Variants in COL1A2 observed in about 807,000 individuals in gnomAD.
COL1A2 encodes the protein collagen type I alpha 2 chain, also known as collagen alpha-2(I) chain.
A neutral mutation model predicts 174.3 loss-of-function variants in COL1A2; 49 were observed. The observed-to-expected ratio is 0.28, with a 90% confidence interval of 0.22 to 0.36. The LOEUF is 0.36. Ranked by LOEUF, COL1A2 falls within the 10% of genes least tolerant of loss-of-function variation. The pLI, the probability that COL1A2 is intolerant of heterozygous loss-of-function variation, is 1.00. For synonymous variants in COL1A2, 655 were observed against 606.6 expected, an observed-to-expected ratio of 1.08 and a Z score of -1.17; for missense variants, 1,438 against 1,822.7, an observed-to-expected ratio of 0.79 and a Z score of 3.84.
At chr7:94,405,951 A>G (rs532482349) in intron 11 of COL1A2, among the ~76,000 whole-genome samples, 1 of 152,230 alleles carries the variant, frequency 6.6e-6, no homozygotes, top group African/African-American at 2.4e-5. Context: ...AGAAAATTAT[A>G]TAGAACATGT....
In COL1A2 at chr7:94,408,201, G is replaced by A. The variant is rs1371890460; in HGVS notation, c.658G>A (p.Gly220Ser). The A allele has an allele frequency of 5.0e-6, 8 of 1,613,988 alleles. No individual in the cohort carries two copies. The highest frequency in any genetic ancestry group is 6.8e-6 in the Non-Finnish European group (8 of 1,179,994). ...CTTCTAGGGAGCCCGTGGGCTTCCT[G>A]GTGAGAGAGGACGTGTTGGTGCCCC... ...PGQTGARGLP[G>S]ERGRVGAPGP... Residue 220 changes from glycine (G) to serine (S), a missense_variant, in exon 14 of 52, where the codon GGT (glycine) becomes AGT (serine). This residue lies in a region of COL1A2 where 281 missense variants were observed against 310.9 expected (regional missense o/e 0.90). Transcript: ENST00000297268.
At chr7:94,406,768 G>T (rs1215672462) in intron 12 of COL1A2, among the ~76,000 whole-genome samples, 1 of 151,992 alleles carries the variant, frequency 6.6e-6, no homozygotes, top group African/African-American at 2.4e-5. Context: ...ATTTTAATTA[G>T]GTAATTAAAG....
intron 23 of COL1A2, 55 bp from the exon 24 acceptor site, chr7:94,412,013 G>T (rs917367137): frequency 4.1e-6 from 6 of 1,461,676 alleles, no homozygotes; most frequent in Non-Finnish European, 5.7e-6. Context: ...TTAATCTAAG[G>T]CTTGAGTATG....
intron 39 of COL1A2, 48 bp downstream of exon 39, chr7:94,422,000 C>G (rs771809128): frequency 2.0e-6 from 3 of 1,537,614 alleles, no homozygotes; most frequent in Non-Finnish European, 2.7e-6. Context: ...AGCCAAAAGG[C>G]CTGGCTTCTG....
At chr7:94,421,579 A>G (rs1792164874) in intron 38 of COL1A2, among the ~76,000 whole-genome samples, 1 of 152,220 alleles carries the variant, frequency 6.6e-6, no homozygotes, top group Non-Finnish European at 1.5e-5. Context: ...ATACACATTA[A>G]TGTGTAATAA....
In COL1A2 at chr7:94,412,602, G is replaced by A. The variant is rs755058199; in HGVS notation, c.1423G>A (p.Gly475Ser). Residue 475 changes from glycine (G) to serine (S), a missense_variant, in exon 25 of 52, where the codon GGC (glycine) becomes AGC (serine). Gly to Ser is a moderately conservative substitution (Grantham distance 56, BLOSUM62 0). Transcript: ENST00000297268. ...CTTTCAGGGCCTCCCTGGCATCGAC[G>A]GCAGGCCTGGCCCAATTGGCCCAGC... Reference protein sequence around the residue: ...EGPVGLPGIDGRPGPIGPAGA... With the variant: ...EGPVGLPGIDSRPGPIGPAGA... The A allele has an allele frequency of 4.3e-6, 7 of 1,613,988 alleles. No individual in the cohort carries two copies. Among genetic ancestry groups the A allele is most frequent in the Non-Finnish European group, 5.1e-6 (6 of 1,179,978 alleles).
At chr7:94,427,104 G>T in intron 47 of COL1A2, 43 bp downstream of exon 47, 4 of 1,611,822 alleles carry the variant, frequency 2.5e-6, no homozygotes, top group Non-Finnish European at 2.5e-6. Flanking sequence ...TGAAATAGAG[G>T]CTAAAGCGAG....
intron 41 of COL1A2, chr7:94,424,873 T>G: frequency 3.6e-6 from 2 of 550,066 alleles, no homozygotes; most frequent in Non-Finnish European, 3.3e-6. Flanking sequence ...TTTGGGATAC[T>G]GAATGACACG....
At chr7:94,417,283 A>G (rs1398234210) in intron 31 of COL1A2, among the ~76,000 whole-genome samples, 1 of 152,222 alleles carries the variant, frequency 6.6e-6, no homozygotes, top group Admixed American at 6.5e-5. Flanking sequence ...AGGGTTTTAT[A>G]TAAAAATGGA....
intron 19 of COL1A2, among the ~76,000 whole-genome samples, 152 bp from the exon 20 acceptor site, chr7:94,410,089 TC>T (rs1791887744): frequency 6.6e-6 from 1 of 152,172 alleles, no homozygotes; most frequent in African/African-American, 2.4e-5. Context: ...ATAATACCAT[TC>T]CCCTGTACTC....
chr7:94,410,748 T>A, intron 21 of COL1A2, 141 bp from the exon 22 acceptor site: 1 of 990,818 alleles, frequency 1.0e-6, no homozygotes, highest in Non-Finnish European at 1.6e-6. Context: ...TATGAATTCC[T>A]CTAGGGGTTG....
At chr7:94,427,953 T>G in intron 49 of COL1A2, 68 bp downstream of exon 49, 1 of 1,536,516 alleles carries the variant, frequency 6.5e-7, no homozygotes, top group African/African-American at 1.4e-5. Context: ...TAGTTTCCAT[T>G]GACATTTAGA....
At chr7:94,398,204 T>C (rs1398989789) in intron 2 of COL1A2, among the ~76,000 whole-genome samples, 178 bp from the exon 3 acceptor site, 1 of 152,092 alleles carries the variant, frequency 6.6e-6, no homozygotes, top group Non-Finnish European at 1.5e-5. Context: ...TACATATTTT[T>C]ATTTGACATG....
chr7:94,411,069 G>A lies in COL1A2; in HGVS notation c.1265G>A (p.Ser422Asn). 6.2e-7 allele frequency: 1 copy of A among 1,600,328 alleles called. No homozygotes were observed. Among genetic ancestry groups the A allele is most frequent in the Non-Finnish European group, 8.5e-7 (1 of 1,174,478 alleles). The change falls in exon 23 of 52, where the codon AGT becomes AAT. Residue 422 changes from serine (S) to asparagine (N), a missense_variant. Ser to Asn is a conservative substitution (Grantham distance 46). Transcript: ENST00000297268. ...GRAGVMGPPG[S>N]RGASGPAGVR... ...TTTTTTGAATAGGGCCCTCCTGGTA[G>A]TCGTGGTGCAAGTGGCCCTGCTGGA...
rs1584332913 is a variant in COL1A2 at position 94,429,367 on chromosome 7, T to C, written c.3891T>C (p.Asp1297=). 6.2e-7 allele frequency: 1 copy of C among 1,614,060 alleles called. No individual in the cohort carries two copies. The highest frequency in any genetic ancestry group is 8.5e-7 in the Non-Finnish European group (1 of 1,179,960). ...KKAVILQGSN[D]VELVAEGNSR... ...CTGTCATTCTACAGGGCTCTAATGATGTTGAACTTGTTGCTGAGGGCAACA... is the reference window on the plus strand; with the variant it reads ...CTGTCATTCTACAGGGCTCTAATGACGTTGAACTTGTTGCTGAGGGCAACA... Residue 1297 remains aspartate, a synonymous_variant, in exon 51 of 52, where the codon GAT becomes GAC. Transcript: ENST00000297268.
At chr7:94,417,361 A>G (rs1040807801) in intron 31 of COL1A2, 34 of 317,774 alleles carry the variant, frequency 1.1e-4, no homozygotes, top group Non-Finnish European at 5.5e-5. Context: ...GTCTCTTTCC[A>G]TGCTTTCTAT....
chr7:94,420,713 T>C, intron 37 of COL1A2, 65 bp downstream of exon 37: 2 of 1,382,924 alleles, frequency 1.4e-6, no homozygotes, highest in Non-Finnish European at 2.0e-6. Context: ...TAAATATATA[T>C]CCGTCAAGTG....
At chr7:94,416,367 A>C (rs1792041662) in intron 30 of COL1A2, 38 bp from the exon 31 acceptor site, 1 of 1,508,736 alleles carries the variant, frequency 6.6e-7, no homozygotes, top group African/African-American at 1.4e-5. Flanking sequence ...ACTGAAAGTG[A>C]TGAATGGTGC....
At chr7:94,417,625 C>A in intron 31 of COL1A2, 99 bp from the exon 32 acceptor site, 1 of 1,013,792 alleles carries the variant, frequency 9.9e-7, no homozygotes. Flanking sequence ...AGGCAAGAAG[C>A]CTGTCTAGCT....
Sources: allele counts gnomAD v4.1 joint callset (sites outside exome capture counted in the v4.1 genomes callset), GRCh38; gene constraint gnomAD v4.1.1; regional missense constraint gnomAD v4.1.1; transcripts MANE v1.5; gene names NCBI Gene and HGNC (gene_info 2026-07-23, HGNC 2026-07-21).